SINHCAF: variants seen among roughly 807,000 people sequenced by gnomAD.
SINHCAF encodes SIN3-HDAC complex associated factor.
SINHCAF carries 3 observed loss-of-function variants against 25.8 expected under a neutral mutation model. The ratio of observed to expected loss-of-function variants is 0.12; its 90% CI spans 0.05 to 0.30. SINHCAF has a LOEUF of 0.30. SINHCAF is among the 10% of genes least tolerant of loss of function. SINHCAF has a pLI of 1.00. For missense variants in SINHCAF, 121 were observed against 262.3 expected (o/e 0.46, Z 3.72); for synonymous variants, 70 against 85.5 (o/e 0.82, Z 1.00).
intron 4 of SINHCAF, among the ~76,000 whole-genome samples, chr12:31,290,828 T>C (rs1045339614): frequency 3.9e-5 from 6 of 152,344 alleles, no homozygotes; most frequent in African/African-American, 1.4e-4. Context: ...CAAGCAATTT[T>C]CTTGCCTCTG....
At chr12:31,295,643 G>C (rs113937645) in intron 2 of SINHCAF, among the ~76,000 whole-genome samples, 1 of 152,198 alleles carries the variant, frequency 6.6e-6, no homozygotes, top group Non-Finnish European at 1.5e-5. Context: ...TCTGAGATGG[G>C]TGGATCACTT....
At chr12:31,322,876 C>G (rs1939754185) in intron 1 of SINHCAF, among the ~76,000 whole-genome samples, 1 of 152,072 alleles carries the variant, frequency 6.6e-6, no homozygotes, top group Non-Finnish European at 1.5e-5. Flanking sequence ...CCCCAAATAC[C>G]AAAGAAGCAT....
In SINHCAF at chr12:31,293,921, G is replaced by C; in HGVS notation, c.239C>G (p.Ala80Gly). 1.9e-6 allele frequency: 3 copies of C among 1,597,026 alleles called. No homozygotes were observed. Among genetic ancestry groups the C allele is most frequent in the South Asian group, 1.1e-5 (1 of 87,242 alleles). Reference protein sequence around the residue: ...SKKNWNHVVDARAGPSLKTTL... With the variant: ...SKKNWNHVVDGRAGPSLKTTL... ...AGTCTTTAGACTGGGTCCAGCCCTT[G>C]CATCTACCACCTGGAAGAAAATACT... Residue 80 changes from alanine (A) to glycine (G), a missense_variant, in exon 4 of 6, where the codon GCA (alanine) becomes GGA (glycine). Coordinates refer to ENST00000337682, the MANE Select transcript of SINHCAF (RefSeq NM_001135812.2).
intron 1 of SINHCAF, among the ~76,000 whole-genome samples, chr12:31,313,908 G>A (rs1308695222): frequency 6.6e-6 from 1 of 152,044 alleles, no homozygotes; most frequent in Non-Finnish European, 1.5e-5. Flanking sequence ...ACCCTCCTCA[G>A]CCTCCCAAAG....
At chr12:31,307,363 C>A (rs190832658) in intron 1 of SINHCAF, among the ~76,000 whole-genome samples, 1 of 152,200 alleles carries the variant, frequency 6.6e-6, no homozygotes, top group Non-Finnish European at 1.5e-5. Flanking sequence ...TGAGACCAGC[C>A]TGGGCAACAT....
At position 31,287,753 on chromosome 12, in the gene SINHCAF, G is replaced by A. The variant is rs770484746; in HGVS notation, c.387C>T (p.Ala129=). ...TGTAACAAGGAGATTGAGCTGGGGA[G>A]GCACTTGAGGTGGTACTGTGAGCAT... ...NSDAHSTTSS[A]SPAQSPCYSN... Residue 129 remains alanine, a synonymous_variant, in exon 5 of 6, where the codon GCC becomes GCT. Transcript: ENST00000337682. The A allele has an allele frequency of 2.6e-5, 42 of 1,608,000 alleles. No individual in the cohort carries two copies. The highest frequency in any genetic ancestry group is 3.6e-5 in the Non-Finnish European group (42 of 1,176,444).
intron 4 of SINHCAF, among the ~76,000 whole-genome samples, chr12:31,291,892 T>C (rs1266058254): frequency 1.3e-5 from 2 of 151,890 alleles, no homozygotes; most frequent in Non-Finnish European, 2.9e-5. Flanking sequence ...AAAATTCACA[T>C]GTTTCCCAAC....
intron 1 of SINHCAF, among the ~76,000 whole-genome samples, chr12:31,321,794 C>T (rs894948564): frequency 6.6e-6 from 1 of 152,074 alleles, no homozygotes; most frequent in Non-Finnish European, 1.5e-5. Context: ...CTACTATGTG[C>T]CTGGCATGGT....
chr12:31,321,679 A>G (rs1463223712), intron 1 of SINHCAF, among the ~76,000 whole-genome samples: 1 of 152,212 alleles, frequency 6.6e-6, no homozygotes, highest in Non-Finnish European at 1.5e-5. Flanking sequence ...AAACCTCTGA[A>G]CAGCAAAACT....
At chr12:31,296,155 A>G (rs1228251868) in intron 2 of SINHCAF, among the ~76,000 whole-genome samples, 1 of 151,906 alleles carries the variant, frequency 6.6e-6, no homozygotes, top group Non-Finnish European at 1.5e-5. Context: ...ATGTGTAAAT[A>G]TATTTCTTTT....
chr12:31,311,955 G>C, intron 1 of SINHCAF: 1 of 645,554 alleles, frequency 1.5e-6, no homozygotes, highest in Non-Finnish European at 2.8e-6. Context: ...TTGGTCCTGG[G>C]TGCCCCTGAT....
intron 1 of SINHCAF, among the ~76,000 whole-genome samples, chr12:31,299,061 G>A (rs895392595): frequency 1.3e-5 from 2 of 151,472 alleles, no homozygotes; most frequent in African/African-American, 2.4e-5. Context: ...AAATCTCAAC[G>A]TCAAGGAAGG....
At chr12:31,320,422 C>T (rs1939654405) in intron 1 of SINHCAF, among the ~76,000 whole-genome samples, 1 of 152,180 alleles carries the variant, frequency 6.6e-6, no homozygotes, top group African/African-American at 2.4e-5. Flanking sequence ...AGAACACCTA[C>T]CACATAAGAT....
At chr12:31,305,150 G>A (rs966841866) in intron 1 of SINHCAF, 4 of 152,164 alleles carry the variant, frequency 2.6e-5, no homozygotes, top group Admixed American at 1.3e-4. Context: ...ATATGGATCC[G>A]TGAGTCTACA....
At chr12:31,286,832 T>C (rs1388247800) in intron 5 of SINHCAF, among the ~76,000 whole-genome samples, 2 of 152,268 alleles carry the variant, frequency 1.3e-5, no homozygotes, top group Non-Finnish European at 2.9e-5. Context: ...TGCCCTATTT[T>C]ATCCATAGTC....
intron 1 of SINHCAF, among the ~76,000 whole-genome samples, chr12:31,323,139 T>TA (rs1227484381): frequency 6.6e-6 from 1 of 152,192 alleles, no homozygotes; most frequent in African/African-American, 2.4e-5. Flanking sequence ...AAGGTCATCC[T>TA]AAGGCACTGA....
intron 1 of SINHCAF, among the ~76,000 whole-genome samples, chr12:31,302,194 T>C (rs1282495991): frequency 3.3e-5 from 5 of 152,176 alleles, no homozygotes; most frequent in Non-Finnish European, 7.4e-5. Flanking sequence ...AGCTGTGAGA[T>C]AAAGCCAAAA....
chr12:31,319,416 T>G (rs1322247736), intron 1 of SINHCAF, among the ~76,000 whole-genome samples: 1 of 152,202 alleles, frequency 6.6e-6, no homozygotes, highest in Non-Finnish European at 1.5e-5. Flanking sequence ...TAATCCCAGC[T>G]ACTCAGGAGG....
rs1453450965 is a variant in SINHCAF at position 31,281,554 on chromosome 12, G to A, written c.*1158C>T. ...AAGTCATGTAACACAAACAAAAGTCGATTATATTTACACACTCAGCAAGCC... is the reference window on the plus strand; with the variant it reads ...AAGTCATGTAACACAAACAAAAGTCAATTATATTTACACACTCAGCAAGCC... On this transcript the variant is annotated 3_prime_UTR_variant, in exon 6 of 6. Coordinates refer to ENST00000337682, the MANE Select transcript of SINHCAF (RefSeq NM_001135812.2). 6.6e-6 allele frequency: 1 copy of A among 152,130 alleles called. No homozygotes were observed. The highest frequency in any genetic ancestry group is 6.5e-5 in the Admixed American group (1 of 15,270). 9.4% of individuals were successfully genotyped at this position (152,130 alleles called of 1,614,324 possible).
Sources: allele counts gnomAD v4.1 joint callset (sites outside exome capture counted in the v4.1 genomes callset), GRCh38; gene constraint gnomAD v4.1.1; transcripts MANE v1.5; gene names NCBI Gene and HGNC (gene_info 2026-07-23, HGNC 2026-07-21).